ODF2L: variants seen among roughly 807,000 people sequenced by gnomAD.
ODF2L encodes the protein outer dense fiber of sperm tails 2 like.
In ODF2L, 76 loss-of-function variants were observed where a neutral mutation model predicts 86.3. That is an observed-to-expected ratio of 0.88 (90% CI 0.73 to 1.07). The LOEUF is 1.07. Ranked by LOEUF, ODF2L falls within the 50% of genes least tolerant of loss-of-function variation. The probability of loss-of-function intolerance (pLI) is 0.00; values close to 1 mark genes in which losing one functional copy is unlikely to be tolerated. For missense variants in ODF2L, 748 were observed against 717.4 expected, an observed-to-expected ratio of 1.04 and a Z score of -0.49; for synonymous variants, 241 against 231.3, an observed-to-expected ratio of 1.04 and a Z score of -0.38.
rs33996151 is a variant in ODF2L at position 86,394,840 on chromosome 1, CTT to C, written c.-60+1191_-60+1192del. On this transcript the variant is annotated intron_variant, in intron 1 of 17. Coordinates refer to ENST00000317336, the Ensembl canonical transcript of ODF2L. Reference sequence around the variant, plus strand: ...GTTTTCTGCAGTTTGTTTCTTTTTCCTTTTTTTTTTTTTTTTTTGAGACAGAG... The same window carrying C: ...GTTTTCTGCAGTTTGTTTCTTTTTCCTTTTTTTTTTTTTTTTGAGACAGAG... Among the ~76,000 whole-genome samples, 7 of 129,284 alleles carry C rather than the reference CTT, an allele frequency of 5.4e-5. No homozygotes were observed. In the East Asian group the frequency reaches 9.0e-4, roughly 17 times the overall value. The allele number at this position is 129,284 out of a possible 152,430, so 84.8% of individuals were successfully genotyped here. A position where few individuals can be genotyped will look rare whatever the true frequency, so the allele number is the denominator to read the frequency against.
intron 3 of ODF2L, 92 bp downstream of exon 3, chr1:86,385,366 G>C: frequency 1.4e-6 from 1 of 713,918 alleles, no homozygotes; most frequent in Non-Finnish European, 2.3e-6. Context: ...ACTCATAAGT[G>C]AGCATACCTA....
chr1:86,376,310 C>A (rs754369809), exon 8 of ODF2L: 63 of 1,612,006 alleles, frequency 3.9e-5, no homozygotes, highest in Non-Finnish European at 5.2e-5. Context: ...ACTTTAGATG[C>A]CTTTTTTAAA....
chr1:86,353,522 C>A (rs1430717497), intron 16 of ODF2L, among the ~76,000 whole-genome samples: 4 of 152,072 alleles, frequency 2.6e-5, no homozygotes, highest in Admixed American at 6.6e-5. Context: ...AGCAGGAAGT[C>A]TAGCTTAGTT....
At chr1:86,372,797 C>T (rs889344921) in intron 8 of ODF2L, among the ~76,000 whole-genome samples, 1 of 152,116 alleles carries the variant, frequency 6.6e-6, no homozygotes, top group Admixed American at 6.6e-5. Context: ...ACTACTCAGC[C>T]ATTAAAAGGA....
In ODF2L at chr1:86,356,562, C is replaced by T. The variant is rs142772711; in HGVS notation, c.1400G>A (p.Arg467His). ...CGCCGCCGTCAAGGAATCGCAGACA[C>T]GCTCTAACTCCTTCAGATGAGACTC... Residue 467 changes from arginine (R) to histidine (H), a missense_variant, in exon 14 of 18, where the codon CGT (arginine) becomes CAT (histidine). Coordinates refer to ENST00000317336, the Ensembl canonical transcript of ODF2L. 8.3e-4 allele frequency: 1,342 copies of T among 1,614,018 alleles called. 11 individuals carry two copies. The African/African-American group carries it at 0.014, about 16-fold the overall frequency.
chr1:86,374,176 G>T, intron 8 of ODF2L, among the ~76,000 whole-genome samples: 1 of 152,142 alleles, frequency 6.6e-6, no homozygotes, highest in East Asian at 1.9e-4. Flanking sequence ...CATGTATTAC[G>T]TGCAAGACTT....
At chr1:86,364,905 G>A (rs1659296052) in intron 11 of ODF2L, among the ~76,000 whole-genome samples, 1 of 152,130 alleles carries the variant, frequency 6.6e-6, no homozygotes, top group African/African-American at 2.4e-5. Flanking sequence ...TGTTATATAT[G>A]GTGAAGTTGA....
At chr1:86,348,591 A>G, downstream of ODF2L, 1 of 568,754 alleles carries the variant, frequency 1.8e-6, no homozygotes, top group Non-Finnish European at 2.6e-6. Context: ...TTAAAGTTTC[A>G]GTTAGATAAA....
chr1:86,391,336 A>G (rs920322212), intron 1 of ODF2L, among the ~76,000 whole-genome samples: 6 of 152,164 alleles, frequency 3.9e-5, no homozygotes, highest in Non-Finnish European at 5.9e-5. Context: ...TAGAAAAAAC[A>G]ATTCTGAAAT....
At chr1:86,380,964 A>C (rs978438172) in intron 7 of ODF2L, among the ~76,000 whole-genome samples, 2 of 151,668 alleles carry the variant, frequency 1.3e-5, no homozygotes, top group Non-Finnish European at 2.9e-5. Context: ...CAAAAAAAAA[A>C]CAACACAAAA....
intron 13 of ODF2L, among the ~76,000 whole-genome samples, chr1:86,357,372 A>G (rs1658657491): frequency 6.6e-6 from 1 of 151,544 alleles, no homozygotes. Context: ...TTGCAAAATT[A>G]AAATCCAGAT....
chr1:86,391,795 A>T (rs1661349409), intron 1 of ODF2L, among the ~76,000 whole-genome samples: 1 of 152,194 alleles, frequency 6.6e-6, no homozygotes, highest in South Asian at 2.1e-4. Flanking sequence ...TTAGGCAAAG[A>T]TTTCATTACC....
chr1:86,384,868 A>G (rs1660832772), intron 3 of ODF2L, 67 bp from the exon 4 acceptor site: 10 of 1,201,096 alleles, frequency 8.3e-6, no homozygotes, highest in Non-Finnish European at 1.1e-5. Flanking sequence ...TCTAAAATAT[A>G]TTATCAAACA....
chr1:86,347,448 T>C (rs1657864431), downstream of ODF2L: 1 of 152,118 alleles, frequency 6.6e-6, no homozygotes, highest in African/African-American at 2.4e-5. Context: ...GTATGATGAG[T>C]ACTAAGATTT....
chr1:86,376,650 A>G (rs958241104), intron 7 of ODF2L, among the ~76,000 whole-genome samples: 2 of 152,154 alleles, frequency 1.3e-5, no homozygotes, highest in African/African-American at 2.4e-5. Context: ...AGGCAGAGGA[A>G]GAAAGGACCT....
chr1:86,351,579 CT>C, exon 18 of ODF2L: 1 of 152,256 alleles, frequency 6.6e-6, no homozygotes, highest in Non-Finnish European at 1.5e-5. Context: ...TATGTGAGCT[CT>C]TTTTTGGTTC....
intron 16 of ODF2L, among the ~76,000 whole-genome samples, chr1:86,354,081 A>G (rs1658348707): frequency 6.6e-6 from 1 of 152,252 alleles, no homozygotes; most frequent in Non-Finnish European, 1.5e-5. Context: ...AAGCACTAGC[A>G]GATTGCCTGA....
intron 13 of ODF2L, among the ~76,000 whole-genome samples, chr1:86,356,989 T>C (rs12757799): frequency 6.6e-6 from 1 of 152,226 alleles, no homozygotes; most frequent in Non-Finnish European, 1.5e-5. Context: ...CTTTTAGTCA[T>C]TCAATCTTAT....
At chr1:86,354,838 G>T in exon 15 of ODF2L, 1 of 1,602,102 alleles carries the variant, frequency 6.2e-7, no homozygotes, top group Non-Finnish European at 8.5e-7. Context: ...AGCTTTGTCA[G>T]AAGATTGTGA....
Sources: gnomAD v4.1 joint callset for allele counts (sites outside exome capture counted in the v4.1 genomes callset) on GRCh38, gnomAD v4.1.1 for gene constraint, MANE v1.5 for transcripts, NCBI Gene and HGNC (gene_info 2026-07-23, HGNC 2026-07-21) for gene names.